The following MCTP2 variants were observed in gnomAD, a reference collection of about 807,000 sequenced individuals.
The protein encoded by MCTP2 is multiple C2 and transmembrane domain-containing protein 2.
In MCTP2, 132 loss-of-function variants were observed where a neutral mutation model predicts 111.6. The ratio of observed to expected loss-of-function variants is 1.18; its 90% CI spans 1.03 to 1.37. The LOEUF (loss-of-function observed/expected upper bound fraction) is 1.37, where lower values mean the gene tolerates loss of function less well. MCTP2 is among the 40% of genes most tolerant of loss of function. MCTP2 has a pLI of 0.00. For synonymous variants in MCTP2, 395 were observed against 387.7 expected, an observed-to-expected ratio of 1.02 and a Z score of -0.22; for missense variants, 1,183 against 1,067.9, an observed-to-expected ratio of 1.11 and a Z score of -1.50.
chr15:94,255,170 C>G (rs998698558), intron 1 of MCTP2, among the ~76,000 whole-genome samples: 1 of 152,090 alleles, frequency 6.6e-6, no homozygotes, highest in African/African-American at 2.4e-5. Context: ...TAACTATACC[C>G]CAATTAGTTT....
At chr15:94,475,181 G>A (rs1392653789) in intron 21 of MCTP2, among the ~76,000 whole-genome samples, 1 of 152,130 alleles carries the variant, frequency 6.6e-6, no homozygotes, top group African/African-American at 2.4e-5. Flanking sequence ...GAGTATTTCA[G>A]TGTAAAGGAA....
intron 10 of MCTP2, among the ~76,000 whole-genome samples, chr15:94,366,666 A>C: frequency 6.6e-6 from 1 of 152,156 alleles, no homozygotes; most frequent in Non-Finnish European, 1.5e-5. Context: ...TGAAGTCTTG[A>C]ATATTCATCT....
At chr15:94,395,055 T>C (rs978273570) in intron 14 of MCTP2, among the ~76,000 whole-genome samples, 6 of 152,196 alleles carry the variant, frequency 3.9e-5, no homozygotes, top group African/African-American at 9.7e-5. Context: ...CTCTAGGTGC[T>C]GTTTGTATAA....
At position 94,440,167 on chromosome 15, in the gene MCTP2, T is replaced by G. The variant is rs142777631; in HGVS notation, c.2086-9T>G. On this transcript the variant is annotated splice_polypyrimidine_tract_variant and intron_variant, in intron 17 of 22. Transcript: ENST00000357742. ...AGCAGTCGTGTATTCTTATTTGTCT[T>G]TCAATCAGGTATTTTTGATCACTGT... 4.5e-4 allele frequency: 730 copies of G among 1,613,778 alleles called. 5 individuals carry two copies. In the East Asian group the frequency reaches 0.015, roughly 32 times the overall value.
chr15:94,475,937 T>G (rs1374773260), intron 21 of MCTP2, among the ~76,000 whole-genome samples: 5 of 152,208 alleles, frequency 3.3e-5, no homozygotes, highest in Non-Finnish European at 7.3e-5. Flanking sequence ...ATCCTTGTCC[T>G]TGTCCTAAAT....
intron 2 of MCTP2, among the ~76,000 whole-genome samples, chr15:94,299,750 GTTGT>G (rs1435568673): frequency 1.3e-5 from 2 of 152,102 alleles, no homozygotes; most frequent in African/African-American, 4.8e-5. Context: ...TAGAAAACTG[GTTGT>G]TTAACTTGGA....
intron 12 of MCTP2, among the ~76,000 whole-genome samples, chr15:94,382,511 C>T (rs966185939): frequency 3.3e-5 from 5 of 152,262 alleles, no homozygotes; most frequent in African/African-American, 1.2e-4. Flanking sequence ...TGAGTGGAAT[C>T]TCCTGTTTAA....
intron 1 of MCTP2, among the ~76,000 whole-genome samples, chr15:94,296,320 G>C (rs768372910): frequency 6.6e-6 from 1 of 152,092 alleles, no homozygotes; most frequent in Non-Finnish European, 1.5e-5. Context: ...GTTTTTAAAA[G>C]CTGCAAAAAA....
intron 4 of MCTP2, among the ~76,000 whole-genome samples, chr15:94,322,258 G>A (rs1345599739): frequency 6.6e-6 from 1 of 151,646 alleles, no homozygotes; most frequent in Non-Finnish European, 1.5e-5. Context: ...AGGAGCAGCA[G>A]CTTTAGGGCC....
chr15:94,270,937 G>A (rs2073875462), intron 1 of MCTP2, among the ~76,000 whole-genome samples: 1 of 152,116 alleles, frequency 6.6e-6, no homozygotes, highest in Non-Finnish European at 1.5e-5. Flanking sequence ...TATATCCCTA[G>A]TGGCTGGAAT....
At chr15:94,253,222 A>G (rs1266772162) in intron 1 of MCTP2, among the ~76,000 whole-genome samples, 2 of 152,082 alleles carry the variant, frequency 1.3e-5, no homozygotes, top group Non-Finnish European at 2.9e-5. Context: ...CCACATTTCC[A>G]TCTCAGATTT....
At chr15:94,433,729 G>A (rs2083312000) in intron 17 of MCTP2, among the ~76,000 whole-genome samples, 1 of 152,218 alleles carries the variant, frequency 6.6e-6, no homozygotes, top group African/African-American at 2.4e-5. Flanking sequence ...ATGTGTGAGA[G>A]CTGCAGTTGC....
At chr15:94,316,246 T>A in intron 4 of MCTP2, among the ~76,000 whole-genome samples, 1 of 139,504 alleles carries the variant, frequency 7.2e-6, no homozygotes, top group Non-Finnish European at 1.6e-5. Context: ...TATAACTATG[T>A]GCATTATGTA....
At chr15:94,380,425 G>A (rs41474047) in intron 12 of MCTP2, among the ~76,000 whole-genome samples, 5,012 of 152,240 alleles carry the variant, frequency 0.033, 270 homozygotes, top group African/African-American at 0.11. Context: ...TTGTATTTCA[G>A]GGTCAGTTTA....
intron 1 of MCTP2, among the ~76,000 whole-genome samples, chr15:94,274,632 C>T (rs748171379): frequency 6.6e-6 from 1 of 151,974 alleles, no homozygotes; most frequent in African/African-American, 2.4e-5. Flanking sequence ...ACAAACTCCC[C>T]CCTCCCCACA....
At chr15:94,298,769 T>C (rs1411782174) in intron 2 of MCTP2, 39 bp downstream of exon 2, 16 of 1,333,840 alleles carry the variant, frequency 1.2e-5, no homozygotes, top group African/African-American at 4.5e-5. Context: ...TTTGTCTCTC[T>C]CTCTCTCTCT....
chr15:94,412,280 T>A (rs2082186908), intron 17 of MCTP2, among the ~76,000 whole-genome samples: 1 of 152,108 alleles, frequency 6.6e-6, no homozygotes, highest in Non-Finnish European at 1.5e-5. Context: ...CACAGGATCC[T>A]TGGACTCTGC....
intron 17 of MCTP2, among the ~76,000 whole-genome samples, chr15:94,436,638 C>T (rs2083491959): frequency 6.6e-6 from 1 of 152,116 alleles, no homozygotes; most frequent in Non-Finnish European, 1.5e-5. Context: ...CCTAAAACAA[C>T]CATCTCCTTA....
intron 19 of MCTP2, among the ~76,000 whole-genome samples, chr15:94,453,112 C>A (rs923848470): frequency 7.2e-5 from 11 of 152,158 alleles, no homozygotes; most frequent in Non-Finnish European, 1.3e-4. Flanking sequence ...CATTTTTAAA[C>A]TATTGTATTT....
Sources: gnomAD v4.1 joint callset for allele counts (sites outside exome capture counted in the v4.1 genomes callset) on GRCh38, gnomAD v4.1.1 for gene constraint, MANE v1.5 for transcripts, NCBI Gene and HGNC (gene_info 2026-07-23, HGNC 2026-07-21) for gene names.